Variants in ARHGAP26 observed in about 807,000 individuals in gnomAD.
ARHGAP26 encodes Rho GTPase activating protein 26.
A neutral mutation model predicts 104.8 loss-of-function variants in ARHGAP26; 38 were observed. The observed-to-expected ratio is 0.36, with a 90% confidence interval of 0.28 to 0.48. The LOEUF (loss-of-function observed/expected upper bound fraction) is 0.48. Among genes scored for constraint, ARHGAP26 ranks in the 20% least tolerant of loss-of-function variants. ARHGAP26 has a pLI of 0.99. For missense variants in ARHGAP26, 704 were observed against 947.9 expected (o/e 0.74, Z 3.38); for synonymous variants, 341 against 340.0 (o/e 1.00, Z -0.03).
intron 17 of ARHGAP26, among the ~76,000 whole-genome samples, chr5:143,107,362 A>G (rs1475461917): frequency 6.6e-6 from 1 of 151,756 alleles, no homozygotes; most frequent in African/African-American, 2.4e-5. Context: ...AGATTTATAT[A>G]CTCTCCAGAT....
chr5:143,000,963 G>A (rs927564427), intron 11 of ARHGAP26, among the ~76,000 whole-genome samples: 1 of 152,004 alleles, frequency 6.6e-6, no homozygotes, highest in South Asian at 2.1e-4. Context: ...GTGGATAGGT[G>A]CAGCAAACTA....
intron 22 of ARHGAP26, among the ~76,000 whole-genome samples, chr5:143,222,142 C>T (rs1214382493): frequency 2.0e-5 from 3 of 152,124 alleles, no homozygotes; most frequent in Admixed American, 2.0e-4. Context: ...GGACAGCTTT[C>T]ATCAGAAGGC....
intron 21 of ARHGAP26, among the ~76,000 whole-genome samples, chr5:143,213,328 T>G (rs1809808124): frequency 1.3e-5 from 2 of 152,126 alleles, no homozygotes; most frequent in South Asian, 4.1e-4. Context: ...CCCCTCTCCC[T>G]TCTTCCTCCT....
chr5:143,131,536 G>T (rs913896494), intron 18 of ARHGAP26, among the ~76,000 whole-genome samples: 9 of 152,202 alleles, frequency 5.9e-5, no homozygotes, highest in African/African-American at 2.2e-4. Flanking sequence ...TGTAACTGAG[G>T]CCAGAGGCAG....
chr5:142,857,296 A>G (rs565422736), intron 1 of ARHGAP26, among the ~76,000 whole-genome samples: 2 of 152,020 alleles, frequency 1.3e-5, no homozygotes, highest in Non-Finnish European at 1.5e-5. Context: ...ACAGGAGGGG[A>G]TATTGAAGTG....
intron 1 of ARHGAP26, among the ~76,000 whole-genome samples, chr5:142,790,895 G>A (rs560064355): frequency 5.3e-5 from 8 of 151,986 alleles, no homozygotes; most frequent in African/African-American, 9.7e-5. Context: ...TCATTACCCC[G>A]TTTAGTAGTC....
chr5:142,998,189 CATATTT>C (rs1364307585), intron 11 of ARHGAP26, among the ~76,000 whole-genome samples: 2 of 152,066 alleles, frequency 1.3e-5, no homozygotes. Context: ...ATATAGATTT[CATATTT>C]ATATTTATGA....
intron 12 of ARHGAP26, among the ~76,000 whole-genome samples, chr5:143,019,868 A>G (rs1365996473): frequency 6.6e-6 from 1 of 152,158 alleles, no homozygotes; most frequent in Non-Finnish European, 1.5e-5. Context: ...TCAGTCTCCT[A>G]ATCTTGACTT....
intron 20 of ARHGAP26, chr5:143,202,825 A>T (rs182035510): frequency 6.6e-6 from 1 of 152,218 alleles, no homozygotes; most frequent in Non-Finnish European, 1.5e-5. Context: ...AGCAATGGGG[A>T]AAGGATTTCC....
intron 17 of ARHGAP26, among the ~76,000 whole-genome samples, chr5:143,080,320 A>G (rs774157262): frequency 2.6e-5 from 4 of 152,222 alleles, no homozygotes; most frequent in Non-Finnish European, 5.9e-5. Context: ...ACCTGTGAAT[A>G]CAGTGGTAAA....
intron 2 of ARHGAP26, among the ~76,000 whole-genome samples, chr5:142,873,742 T>G (rs1355563016): frequency 6.6e-6 from 1 of 152,150 alleles, no homozygotes; most frequent in Non-Finnish European, 1.5e-5. Context: ...AGTGGGACTC[T>G]CCTTTCCACC....
chr5:143,036,440 C>T (rs11956059), intron 12 of ARHGAP26, among the ~76,000 whole-genome samples: 22,651 of 152,160 alleles, frequency 0.15, 4,554 homozygotes, highest in African/African-American at 0.46. Context: ...ACCACTTGCT[C>T]ATTTCCCCCT....
rs141327251 is a variant in ARHGAP26, at chr5:142,901,484, C to T, written c.598-451C>T. On this transcript the variant is annotated intron_variant, in intron 6 of 22. Coordinates refer to ENST00000645722, the MANE Select transcript of ARHGAP26 (RefSeq NM_001135608.3). ...CAGGACACCCCACTTCCTTTTCTGC[C>T]TTCCTCTTCTGTGTAATAACCTGAT... Among the ~76,000 whole-genome samples, 168 of 152,328 alleles carry T rather than the reference C, an allele frequency of 1.1e-3. 1 individual carries two copies. The highest frequency in any genetic ancestry group is 3.8e-3 in the African/African-American group (158 of 41,568).
At chr5:142,963,163 G>GATATATATATATATCTATAT (rs1562163912) in intron 11 of ARHGAP26, among the ~76,000 whole-genome samples, 1 of 112,170 alleles carries the variant, frequency 8.9e-6, no homozygotes, top group Non-Finnish European at 1.8e-5. Flanking sequence ...AGTATTCCAT[G>GATATATATATATATCTATAT]GTATATATGT....
At chr5:143,070,490 A>G (rs1295403582) in intron 17 of ARHGAP26, among the ~76,000 whole-genome samples, 1 of 152,250 alleles carries the variant, frequency 6.6e-6, no homozygotes. Context: ...AACACTGATG[A>G]CAGAAATTGA....
chr5:143,031,591 T>G (rs1781880294), intron 12 of ARHGAP26, among the ~76,000 whole-genome samples: 1 of 148,990 alleles, frequency 6.7e-6, no homozygotes, highest in African/African-American at 2.6e-5. Context: ...TTTTTTTTAA[T>G]AGCTGGGAGG....
intron 22 of ARHGAP26, among the ~76,000 whole-genome samples, chr5:143,214,459 T>C (rs1000399925): frequency 2.0e-5 from 3 of 152,234 alleles, no homozygotes; most frequent in African/African-American, 7.2e-5. Flanking sequence ...TAAATTAATA[T>C]TTTTATTATT....
intron 17 of ARHGAP26, among the ~76,000 whole-genome samples, chr5:143,078,698 A>T (rs1439921004): frequency 2.6e-5 from 4 of 152,284 alleles, no homozygotes; most frequent in Non-Finnish European, 5.9e-5. Flanking sequence ...TTAAATTATA[A>T]TTGAGGCAAG....
At chr5:142,900,984 G>T (rs901032373) in intron 6 of ARHGAP26, among the ~76,000 whole-genome samples, 4 of 152,094 alleles carry the variant, frequency 2.6e-5, no homozygotes, top group African/African-American at 9.7e-5. Flanking sequence ...AATCTCGTTC[G>T]GGCTTTTATT....
Sources: allele counts gnomAD v4.1 joint callset (sites outside exome capture counted in the v4.1 genomes callset), GRCh38; gene constraint gnomAD v4.1.1; transcripts MANE v1.5; gene names NCBI Gene and HGNC (gene_info 2026-07-23, HGNC 2026-07-21).